PTDSS1: variants seen among roughly 807,000 people sequenced by gnomAD.
PTDSS1 encodes the protein phosphatidylserine synthase 1.
PTDSS1 carries 45 observed loss-of-function variants against 70.5 expected under a neutral mutation model. The observed-to-expected ratio is 0.64, with a 90% confidence interval of 0.50 to 0.82. The LOEUF is 0.82. Among genes scored for constraint, PTDSS1 ranks in the 40% least tolerant of loss-of-function variants. The pLI, the probability that PTDSS1 is intolerant of heterozygous loss-of-function variation, is 0.00. For synonymous variants in PTDSS1, 188 were observed against 203.8 expected, an observed-to-expected ratio of 0.92 and a Z score of 0.66; for missense variants, 417 against 586.1, an observed-to-expected ratio of 0.71 and a Z score of 2.98.
rs1810807367 is a variant in PTDSS1 at position 96,285,361 on chromosome 8, G to T, written c.316+1208G>T. On this transcript the variant is annotated intron_variant, in intron 3 of 12. Coordinates refer to ENST00000517309, the MANE Select transcript of PTDSS1 (RefSeq NM_014754.3). ...TGGGAGAAGAGTAGGAGAGAAGTCA[G>T]AGAGTCATCGGGCACAGATGTAATC... 2.0e-5 allele frequency among the ~76,000 whole-genome samples: 3 copies of T among 152,326 alleles called. No individual in the cohort carries two copies. In the South Asian group the frequency reaches 6.2e-4, roughly 32 times the overall value.
At chr8:96,309,843 A>G (rs967057807) in intron 9 of PTDSS1, among the ~76,000 whole-genome samples, 1 of 152,066 alleles carries the variant, frequency 6.6e-6, no homozygotes, top group Non-Finnish European at 1.5e-5. Context: ...TACTTGGCAA[A>G]TTATAAAACA....
At chr8:96,278,117 C>G (rs775883640) in intron 2 of PTDSS1, among the ~76,000 whole-genome samples, 2 of 152,204 alleles carry the variant, frequency 1.3e-5, no homozygotes, top group Admixed American at 6.5e-5. Context: ...CAATGGCCAG[C>G]AGATGAAGAG....
intron 1 of PTDSS1, among the ~76,000 whole-genome samples, chr8:96,265,169 G>A (rs1226714979): frequency 6.6e-6 from 1 of 152,102 alleles, no homozygotes; most frequent in Non-Finnish European, 1.5e-5. Context: ...GATTTTAGTT[G>A]GACAATTGTT....
chr8:96,318,403 CT>C (rs1295473053), intron 9 of PTDSS1, among the ~76,000 whole-genome samples: 3 of 152,180 alleles, frequency 2.0e-5, no homozygotes, highest in Non-Finnish European at 2.9e-5. Flanking sequence ...TTCTGTCCGG[CT>C]TATGGGTAGA....
At chr8:96,330,709 A>G in intron 11 of PTDSS1, 2 of 388,842 alleles carry the variant, frequency 5.1e-6, no homozygotes, top group Admixed American at 8.5e-5. Flanking sequence ...GAAAATAGAC[A>G]TGAATGGCTT....
intron 1 of PTDSS1, among the ~76,000 whole-genome samples, chr8:96,265,609 A>C (rs1281939876): frequency 6.6e-6 from 1 of 151,918 alleles, no homozygotes; most frequent in Admixed American, 6.6e-5. Context: ...AAAACAAAAC[A>C]AAACAAAACA....
chr8:96,284,682 A>C (rs367706959), intron 3 of PTDSS1, among the ~76,000 whole-genome samples: 15 of 152,354 alleles, frequency 9.8e-5, no homozygotes, highest in African/African-American at 3.6e-4. Context: ...TTGTAGTCTA[A>C]ATAGTGAAAT....
At chr8:96,314,832 G>A (rs1411961174) in intron 9 of PTDSS1, among the ~76,000 whole-genome samples, 2 of 152,114 alleles carry the variant, frequency 1.3e-5, no homozygotes, top group African/African-American at 4.8e-5. Context: ...TCCTGACCTC[G>A]TGATCCGCCC....
chr8:96,327,716 G>A (rs576911700), intron 10 of PTDSS1, among the ~76,000 whole-genome samples: 1 of 152,208 alleles, frequency 6.6e-6, no homozygotes, highest in East Asian at 1.9e-4. Context: ...CTGCTCGGCC[G>A]TCATTAATTT....
At chr8:96,331,820 G>A (rs1586213834) in intron 12 of PTDSS1, among the ~76,000 whole-genome samples, 1 of 152,112 alleles carries the variant, frequency 6.6e-6, no homozygotes, top group Non-Finnish European at 1.5e-5. Flanking sequence ...GGGATGCCAT[G>A]GCAGGATCAT....
At chr8:96,318,740 T>C (rs551034006) in intron 9 of PTDSS1, among the ~76,000 whole-genome samples, 1 of 152,028 alleles carries the variant, frequency 6.6e-6, no homozygotes, top group Admixed American at 6.5e-5. Context: ...AAAGACAAAT[T>C]GAGGAGAATT....
intron 10 of PTDSS1, among the ~76,000 whole-genome samples, chr8:96,327,934 T>C (rs188633938): frequency 2.3e-4 from 35 of 152,318 alleles, no homozygotes; most frequent in African/African-American, 7.5e-4. Flanking sequence ...ACAGGTGTGA[T>C]TGCAAACCTG....
At chr8:96,296,296 G>A (rs1418391287) in intron 5 of PTDSS1, among the ~76,000 whole-genome samples, 6 of 151,742 alleles carry the variant, frequency 4.0e-5, no homozygotes, top group African/African-American at 9.7e-5. Flanking sequence ...GTGCCACCAC[G>A]CCCAGCTAAT....
At chr8:96,294,452 A>AAGAT (rs1422189181) in intron 4 of PTDSS1, among the ~76,000 whole-genome samples, 49 of 152,328 alleles carry the variant, frequency 3.2e-4, no homozygotes, top group African/African-American at 1.2e-3. Flanking sequence ...ATCAAAAACA[A>AAGAT]AGATATTAGA....
chr8:96,303,209 T>A (rs931259881), intron 6 of PTDSS1, among the ~76,000 whole-genome samples: 1 of 152,206 alleles, frequency 6.6e-6, no homozygotes, highest in African/African-American at 2.4e-5. Flanking sequence ...TCTTGTTTAT[T>A]TTTGGATAGT....
rs568121673 is a variant in PTDSS1 at position 96,328,696 on chromosome 8, A to G, written c.1174-1517A>G. Among the ~76,000 whole-genome samples the G allele has an allele frequency of 2.0e-5, 3 of 152,264 alleles. No homozygotes were observed. The East Asian group carries it at 5.8e-4, about 29-fold the overall frequency. ...CTCTCCTTTCTTTTTTGGAACTAAGAAGGCACTGTGTATCCAGCAGCTGCC... is the reference window on the plus strand; with the variant it reads ...CTCTCCTTTCTTTTTTGGAACTAAGGAGGCACTGTGTATCCAGCAGCTGCC... On this transcript the variant is annotated intron_variant, in intron 10 of 12. Transcript: ENST00000517309.
At position 96,334,804 on chromosome 8, in the gene PTDSS1, T is replaced by C. The variant is rs949768612; in HGVS notation, c.*1238T>C. The C allele has an allele frequency of 6.6e-6, 1 of 152,122 alleles. No homozygotes were observed. Among genetic ancestry groups the C allele is most frequent in the Non-Finnish European group, 1.5e-5 (1 of 68,028 alleles). 9.4% of individuals were successfully genotyped at this position (152,122 alleles called of 1,614,324 possible). ...TGTGGTAATGGTTTCCAAGTTGGAC[T>C]TTTTTTTCCTCTAACAAGAGGCCAG... On this transcript the variant is annotated 3_prime_UTR_variant, in exon 13 of 13. Coordinates refer to ENST00000517309, the MANE Select transcript of PTDSS1 (RefSeq NM_014754.3).
chr8:96,324,554 A>G (rs1268921103), intron 10 of PTDSS1, among the ~76,000 whole-genome samples: 1 of 152,170 alleles, frequency 6.6e-6, no homozygotes, highest in African/African-American at 2.4e-5. Flanking sequence ...AGGTCATCCC[A>G]TGGTGGAAGG....
intron 9 of PTDSS1, among the ~76,000 whole-genome samples, chr8:96,318,198 G>A (rs1344497619): frequency 3.9e-5 from 6 of 151,938 alleles, no homozygotes; most frequent in Non-Finnish European, 5.9e-5. Context: ...GGTGGCAGGC[G>A]CCTGTAGTCC....
Sources: gnomAD v4.1 joint callset for allele counts (sites outside exome capture counted in the v4.1 genomes callset) on GRCh38, gnomAD v4.1.1 for gene constraint, MANE v1.5 for transcripts, NCBI Gene and HGNC (gene_info 2026-07-23, HGNC 2026-07-21) for gene names.